The following ZFAND3 variants were observed in gnomAD, a reference collection of about 807,000 sequenced individuals.
The protein encoded by ZFAND3 is AN1-type zinc finger protein 3.
Under a neutral mutation model 29.6 loss-of-function variants are expected in ZFAND3, and 10 were observed. That is an observed-to-expected ratio of 0.34 (90% confidence interval 0.21 to 0.57). The LOEUF is 0.57. ZFAND3 is among the 20% of genes least tolerant of loss of function. The pLI is 0.86. For synonymous variants in ZFAND3, 128 were observed against 112.6 expected (o/e 1.14, Z -0.87); for missense variants, 230 against 304.5 (o/e 0.76, Z 1.82).
At chr6:37,861,245 AG>A (rs1198250044) in intron 1 of ZFAND3, among the ~76,000 whole-genome samples, 2 of 152,212 alleles carry the variant, frequency 1.3e-5, no homozygotes, top group Non-Finnish European at 2.9e-5. Context: ...CGACAGAGCT[AG>A]GCTGTGTCTC....
intron 2 of ZFAND3, among the ~76,000 whole-genome samples, chr6:37,968,813 C>T (rs1204044995): frequency 1.3e-5 from 2 of 152,154 alleles, no homozygotes; most frequent in Admixed American, 6.5e-5. Flanking sequence ...GGATTACTGG[C>T]GCAAGCCACC....
intron 2 of ZFAND3, among the ~76,000 whole-genome samples, chr6:37,992,227 A>AT (rs905994138): frequency 2.3e-4 from 35 of 152,222 alleles, no homozygotes; most frequent in African/African-American, 8.2e-4. Flanking sequence ...AAAAAAAGGA[A>AT]TTTTTTGTCT....
chr6:37,924,179 A>G (rs919459437), intron 1 of ZFAND3, among the ~76,000 whole-genome samples: 2 of 152,198 alleles, frequency 1.3e-5, no homozygotes, highest in Admixed American at 6.5e-5. Context: ...GACGTTATCT[A>G]CCAGCCATAG....
At chr6:37,960,678 C>G (rs567511385) in intron 2 of ZFAND3, among the ~76,000 whole-genome samples, 11 of 152,260 alleles carry the variant, frequency 7.2e-5, no homozygotes, top group Admixed American at 5.2e-4. Context: ...TTCATTCATT[C>G]TAGGTATAGA....
chr6:37,996,690 GTTAAT>G (rs984807000), intron 2 of ZFAND3, among the ~76,000 whole-genome samples: 2 of 152,010 alleles, frequency 1.3e-5, no homozygotes, highest in Non-Finnish European at 2.9e-5. Flanking sequence ...GAAAAATTTG[GTTAAT>G]TTAATTATCT....
At chr6:38,103,572 C>T (rs989150108) in intron 4 of ZFAND3, among the ~76,000 whole-genome samples, 2 of 139,418 alleles carry the variant, frequency 1.4e-5, no homozygotes, top group Admixed American at 7.3e-5. Context: ...ACGGACTTCT[C>T]AAGTTTCTCT....
At chr6:37,984,024 A>G (rs543502168) in intron 2 of ZFAND3, among the ~76,000 whole-genome samples, 1 of 152,296 alleles carries the variant, frequency 6.6e-6, no homozygotes, top group African/African-American at 2.4e-5. Context: ...TGATTCCATC[A>G]TTTTTCTTTT....
At chr6:38,105,149 T>G (rs774129136) in intron 4 of ZFAND3, among the ~76,000 whole-genome samples, 1 of 152,204 alleles carries the variant, frequency 6.6e-6, no homozygotes, top group Non-Finnish European at 1.5e-5. Context: ...AAAGAATATG[T>G]GCTTTGTGTT....
chr6:37,896,666 TTGTGTGTGTGTGTGTCTG>T (rs1161115752), intron 1 of ZFAND3, among the ~76,000 whole-genome samples: 4 of 138,964 alleles, frequency 2.9e-5, no homozygotes, highest in East Asian at 2.0e-4. Flanking sequence ...GCCTTCTGTT[TTGTGTGTGTGTGTGTCTG>T]TGTGTGTGTG....
At chr6:37,851,944 A>G (rs578255566) in intron 1 of ZFAND3, among the ~76,000 whole-genome samples, 1 of 152,228 alleles carries the variant, frequency 6.6e-6, no homozygotes, top group African/African-American at 2.4e-5. Context: ...ACAATAGCTG[A>G]TACATTGCAG....
chr6:38,079,519 C>T (rs1250848605), intron 3 of ZFAND3, among the ~76,000 whole-genome samples: 2 of 150,860 alleles, frequency 1.3e-5, no homozygotes, highest in Admixed American at 6.6e-5. Context: ...TTTGATAATC[C>T]TCTAGAACAT....
intron 1 of ZFAND3, among the ~76,000 whole-genome samples, chr6:37,830,298 G>A (rs1763836817): frequency 6.6e-6 from 1 of 152,154 alleles, no homozygotes; most frequent in Admixed American, 6.5e-5. Flanking sequence ...GTAGAATGGT[G>A]GGATTATAAT....
intron 1 of ZFAND3, among the ~76,000 whole-genome samples, chr6:37,888,002 G>A (rs2127395062): frequency 6.6e-6 from 1 of 152,268 alleles, no homozygotes; most frequent in African/African-American, 2.4e-5. Flanking sequence ...GGCATTCATA[G>A]ACTCTTCTTC....
At chr6:37,993,691 C>T (rs1045480846) in intron 2 of ZFAND3, among the ~76,000 whole-genome samples, 1 of 151,948 alleles carries the variant, frequency 6.6e-6, no homozygotes, top group Non-Finnish European at 1.5e-5. Context: ...TTATTGTTAC[C>T]AATAAAGTAT....
intron 2 of ZFAND3, among the ~76,000 whole-genome samples, chr6:37,953,728 A>G (rs1276578715): frequency 2.0e-5 from 3 of 152,096 alleles, no homozygotes; most frequent in Non-Finnish European, 4.4e-5. Context: ...CTGGGATTAC[A>G]GTCGTGAGTC....
chr6:37,879,555 A>C (rs1204848363), intron 1 of ZFAND3, among the ~76,000 whole-genome samples: 1 of 152,168 alleles, frequency 6.6e-6, no homozygotes, highest in Non-Finnish European at 1.5e-5. Context: ...ACTAGAACCC[A>C]ATTAAATGAG....
At chr6:38,072,380 T>C (rs966710160) in intron 3 of ZFAND3, among the ~76,000 whole-genome samples, 2 of 152,204 alleles carry the variant, frequency 1.3e-5, no homozygotes, top group African/African-American at 4.8e-5. Flanking sequence ...CTTGTGAGAT[T>C]ATACAGTTAC....
At chr6:38,061,511 A>G (rs539616369) in intron 2 of ZFAND3, 82 bp from the exon 3 acceptor site, 65 of 1,531,006 alleles carry the variant, frequency 4.2e-5, no homozygotes, top group Non-Finnish European at 5.8e-5. Context: ...GTTGCATTTA[A>G]TTTTTGTACC....
intron 5 of ZFAND3, among the ~76,000 whole-genome samples, chr6:38,146,167 CCT>C (rs1766103037): frequency 7.1e-6 from 1 of 141,720 alleles, no homozygotes; most frequent in African/African-American, 2.7e-5. Context: ...CCATGTGCCC[CCT>C]CGCGATGCTG....
Sources: allele counts gnomAD v4.1 joint callset (sites outside exome capture counted in the v4.1 genomes callset), GRCh38; gene constraint gnomAD v4.1.1; transcripts MANE v1.5; gene names NCBI Gene and HGNC (gene_info 2026-07-23, HGNC 2026-07-21).